Variants in EPHB1 observed in about 807,000 individuals in gnomAD.
EPHB1 encodes the protein ephrin type-B receptor 1.
In EPHB1, 30 loss-of-function variants were observed where a neutral mutation model predicts 94.4. That is an observed-to-expected ratio of 0.32 (90% CI 0.24 to 0.43). The LOEUF (loss-of-function observed/expected upper bound fraction) is 0.43, where lower values mean the gene tolerates loss of function less well. EPHB1 is among the 20% of genes least tolerant of loss of function. The pLI is 1.00. For missense variants in EPHB1, 1,055 were observed against 1,308.3 expected (o/e 0.81, Z 2.99); for synonymous variants, 522 against 489.1 (o/e 1.07, Z -0.89).
intron 10 of EPHB1, 118 bp from the exon 11 acceptor site, chr3:135,192,458 T>G: frequency 7.8e-7 from 1 of 1,273,890 alleles, no homozygotes; most frequent in East Asian, 2.5e-5. Context: ...CTGTTTTAAT[T>G]TCCGCCACTT....
intron 6 of EPHB1, among the ~76,000 whole-genome samples, chr3:135,158,496 C>A (rs916883093): frequency 6.6e-6 from 1 of 152,160 alleles, no homozygotes; most frequent in Non-Finnish European, 1.5e-5. Flanking sequence ...GGTAGCTGGT[C>A]CATGAGGGCA....
chr3:135,030,538 G>T (rs559996729), intron 3 of EPHB1, among the ~76,000 whole-genome samples: 1 of 152,330 alleles, frequency 6.6e-6, no homozygotes, highest in Admixed American at 6.5e-5. Context: ...GGCTGGTCGG[G>T]GGTCAGGGGT....
chr3:135,217,857 C>T (rs987661722), intron 12 of EPHB1, among the ~76,000 whole-genome samples: 2 of 152,188 alleles, frequency 1.3e-5, no homozygotes, highest in Non-Finnish European at 2.9e-5. Flanking sequence ...AGTTGCTTCT[C>T]AGTCGGGTCG....
At chr3:135,024,520 C>T (rs534639154) in intron 3 of EPHB1, among the ~76,000 whole-genome samples, 1 of 152,292 alleles carries the variant, frequency 6.6e-6, no homozygotes, top group Admixed American at 6.5e-5. Flanking sequence ...TGTGCTAGTT[C>T]CCAGCCAGAG....
At chr3:135,155,166 G>T (rs1941312422) in intron 6 of EPHB1, among the ~76,000 whole-genome samples, 1 of 152,156 alleles carries the variant, frequency 6.6e-6, no homozygotes, top group African/African-American at 2.4e-5. Context: ...ATCATATAGT[G>T]TGTTAGAAAA....
chr3:134,854,630 C>T (rs933144085), intron 1 of EPHB1, among the ~76,000 whole-genome samples: 3 of 152,150 alleles, frequency 2.0e-5, no homozygotes, highest in Admixed American at 2.0e-4. Context: ...AGCCAGGCTT[C>T]TCTGAGTAAT....
intron 1 of EPHB1, among the ~76,000 whole-genome samples, chr3:134,900,255 G>A (rs567471196): frequency 1.6e-3 from 237 of 152,322 alleles, no homozygotes; most frequent in African/African-American, 5.2e-3. Context: ...CTTGGAAGCA[G>A]GAATCTTACC....
At chr3:135,251,750 G>T (rs576222745) in intron 15 of EPHB1, among the ~76,000 whole-genome samples, 2 of 152,338 alleles carry the variant, frequency 1.3e-5, no homozygotes, top group East Asian at 1.9e-4. Context: ...AAAGGGCATG[G>T]TGTGGGAGAG....
chr3:135,239,235 T>G (rs1246610991), intron 12 of EPHB1, among the ~76,000 whole-genome samples: 1 of 151,894 alleles, frequency 6.6e-6, no homozygotes, highest in African/African-American at 2.4e-5. Flanking sequence ...CCTTTATTCC[T>G]CCCAGGCTCC....
At chr3:134,908,874 G>A (rs2038391403) in intron 1 of EPHB1, among the ~76,000 whole-genome samples, 1 of 152,062 alleles carries the variant, frequency 6.6e-6, no homozygotes, top group Non-Finnish European at 1.5e-5. Context: ...TTCTCCTGGA[G>A]AGACTGTAGG....
intron 10 of EPHB1, among the ~76,000 whole-genome samples, chr3:135,186,937 T>C (rs1232160368): frequency 6.6e-6 from 1 of 152,132 alleles, no homozygotes; most frequent in East Asian, 1.9e-4. Context: ...TAGAATCACC[T>C]GGAGGCTGCT....
intron 3 of EPHB1, among the ~76,000 whole-genome samples, chr3:135,038,480 T>G (rs1383053916): frequency 6.6e-6 from 1 of 152,184 alleles, no homozygotes. Context: ...AGGCCCAGTC[T>G]GGCAGCTGAC....
At chr3:135,233,850 C>T (rs984246186) in intron 12 of EPHB1, among the ~76,000 whole-genome samples, 13 of 152,224 alleles carry the variant, frequency 8.5e-5, no homozygotes, top group African/African-American at 3.1e-4. Flanking sequence ...GACTTGCACC[C>T]TCTGAAGCAA....
chr3:135,250,873 T>C (rs932181595), intron 15 of EPHB1, among the ~76,000 whole-genome samples: 1 of 152,130 alleles, frequency 6.6e-6, no homozygotes, highest in African/African-American at 2.4e-5. Flanking sequence ...TGTTATACAA[T>C]GGGCACAGTG....
intron 12 of EPHB1, among the ~76,000 whole-genome samples, chr3:135,205,160 G>T (rs1942868605): frequency 6.6e-6 from 1 of 152,002 alleles, no homozygotes; most frequent in African/African-American, 2.4e-5. Context: ...ACTCCATTGT[G>T]TATAAGTACC....
chr3:135,231,259 A>T (rs970063244), intron 12 of EPHB1, among the ~76,000 whole-genome samples: 39 of 152,214 alleles, frequency 2.6e-4, no homozygotes, highest in African/African-American at 9.4e-4. Context: ...AAAAAGAAAT[A>T]ATAATGCCTG....
Position 134,951,750 on chromosome 3 carries a change from T to C in EPHB1, c.503T>C (p.Leu168Pro). The change falls in exon 3 of 16, where the codon CTT (leucine) becomes CCT (proline). Residue 168 changes from leucine to proline, a missense_variant. Physicochemically the swap from Leu to Pro is moderately conservative, Grantham distance 98 (BLOSUM62 -3). Transcript: ENST00000398015. This position sits in a 1 kb window ranked among gnomAD's most constrained non-coding sequence, Gnocchi z 4.5. ...VNTEVRSFGP[L>P]TRNGFYLAFQ... ...ACAGAAGTCAGGAGCTTTGGGCCTC[T>C]TACTCGGAATGGTTTTTACCTCGCT... The C allele has an allele frequency of 6.2e-7, 1 of 1,614,084 alleles. No homozygotes were observed. The highest frequency in any genetic ancestry group is 8.5e-7 in the Non-Finnish European group (1 of 1,179,916).
intron 2 of EPHB1, among the ~76,000 whole-genome samples, chr3:134,929,227 T>C (rs758578691): frequency 1.3e-5 from 2 of 152,094 alleles, no homozygotes; most frequent in African/African-American, 2.4e-5. Context: ...AGTTTTGACG[T>C]GACAGAGCCA....
chr3:134,815,244 T>G (rs1005649679), intron 1 of EPHB1, among the ~76,000 whole-genome samples: 3 of 152,184 alleles, frequency 2.0e-5, no homozygotes, highest in Non-Finnish European at 2.9e-5. Flanking sequence ...AATTTGTAAC[T>G]GCATTGTGGT....
Sources: allele counts gnomAD v4.1 joint callset (sites outside exome capture counted in the v4.1 genomes callset), GRCh38; gene constraint gnomAD v4.1.1; non-coding constraint Gnocchi (gnomAD v3.1); transcripts MANE v1.5; gene names NCBI Gene and HGNC (gene_info 2026-07-23, HGNC 2026-07-21).